Variants in RYR1 observed in about 807,000 individuals in gnomAD.
The protein encoded by RYR1 is central core disease of muscle.
Under a neutral mutation model 583.5 loss-of-function variants are expected in RYR1, and 342 were observed. The observed-to-expected ratio is 0.59, with a 90% CI of 0.54 to 0.64. The LOEUF is 0.64. Ranked by LOEUF, RYR1 falls within the 30% of genes least tolerant of loss-of-function variation. The pLI is 0.00. For missense variants in RYR1, 6,032 were observed against 6,917.2 expected, an observed-to-expected ratio of 0.87 and a Z score of 4.54; for synonymous variants, 2,791 against 2,822.5, an observed-to-expected ratio of 0.99 and a Z score of 0.35.
rs1970025987 is a variant in RYR1 at position 38,499,868 on chromosome 19, G to A, written c.7215-40G>A. ...TCAATAGGGCAACCCGCCCTCCCTG[G>A]CCCCTGGCTGCCTCCCCAACCCACC... On this transcript the variant is annotated intron_variant, in intron 44 of 105. Transcript: ENST00000359596. The surrounding 1 kb of genome is among the most constrained non-coding windows in gnomAD (Gnocchi z 7.3). The A allele has an allele frequency of 6.2e-7, 1 of 1,612,524 alleles. No homozygotes were observed. Among genetic ancestry groups the A allele is most frequent in the Non-Finnish European group, 8.5e-7 (1 of 1,179,446 alleles).
intron 8 of RYR1, 48 bp from the exon 9 acceptor site, chr19:38,446,646 G>C: frequency 6.2e-7 from 1 of 1,605,202 alleles, no homozygotes. Context: ...TTAGGGACCA[G>C]ATTCCGGGGA....
chr19:38,515,666 T>C, intron 64 of RYR1, among the ~76,000 whole-genome samples: 1 of 152,100 alleles, frequency 6.6e-6, no homozygotes, highest in Admixed American at 6.6e-5. Flanking sequence ...TGGTGTGGTG[T>C]GGTGTAGTGG....
At chr19:38,462,292 G>A (rs1967795432) in intron 20 of RYR1, among the ~76,000 whole-genome samples, 1 of 152,154 alleles carries the variant, frequency 6.6e-6, no homozygotes, top group Non-Finnish European at 1.5e-5. Context: ...AATGGATATA[G>A]GCAAGATGCT....
At chr19:38,563,296 G>A (rs971733249) in intron 90 of RYR1, among the ~76,000 whole-genome samples, 9 of 152,102 alleles carry the variant, frequency 5.9e-5, no homozygotes, top group East Asian at 1.9e-4. Context: ...ACAGAGTTTC[G>A]CTCTTGTTGA....
In RYR1 at chr19:38,560,707, C is replaced by T. The variant is rs1240736430; in HGVS notation, c.12283-406C>T. On this transcript the variant is annotated intron_variant, in intron 89 of 105. Coordinates refer to ENST00000359596, the MANE Select transcript of RYR1 (RefSeq NM_000540.3). ...TCATGCCACTGCACTCCAGCCTGGGCGACAAGAGCGAAACTCCGTCTCAAA... is the reference window on the plus strand; with the variant it reads ...TCATGCCACTGCACTCCAGCCTGGGTGACAAGAGCGAAACTCCGTCTCAAA... Among the ~76,000 whole-genome samples the T allele has an allele frequency of 1.5e-4, 17 of 116,288 alleles. No individual in the cohort carries two copies. In the South Asian group the frequency reaches 3.8e-3, roughly 26 times the overall value. 76.3% of individuals were successfully genotyped at this position (116,288 alleles called of 152,430 possible). A position where few individuals can be genotyped will look rare whatever the true frequency, so the allele number is the denominator to read the frequency against.
At chr19:38,560,729 CAAAAAAAA>C (rs765130460) in intron 89 of RYR1, among the ~76,000 whole-genome samples, 4 of 38,076 alleles carry the variant, frequency 1.1e-4, no homozygotes, top group South Asian at 1.0e-3. Context: ...AACTCCGTCT[CAAAAAAAA>C]AAAAAAAAAA....
Position 38,446,553 on chromosome 19 carries a change from A to T in RYR1, c.713A>T (p.Asp238Val), listed in dbSNP as rs1158222952. The change falls in exon 8 of 106, where the codon GAT (aspartate) becomes GTT (valine). Residue 238 changes from aspartate (D) to valine (V), a missense_variant. Transcript: ENST00000359596. ...CTGACCATTTCCCCTGCTGACAGTG[A>T]TGACCAGCGCAGGTCTGGGCTGTGG... Reference protein sequence around the residue: ...ECLTISPADSDDQRRLVYYEG... With the variant: ...ECLTISPADSVDQRRLVYYEG... 3 of 1,614,034 alleles carry T rather than the reference A, an allele frequency of 1.9e-6. No individual in the cohort carries two copies. In the South Asian group the frequency reaches 3.3e-5, roughly 18 times the overall value.
rs368516354 is a variant in RYR1, at chr19:38,442,407, G to A, written c.224G>A (p.Arg75Gln). Residue 75 changes from arginine (R) to glutamine (Q), a missense_variant, in exon 3 of 106, where the codon CGA becomes CAA. By Grantham distance (43) the Arg-to-Gln change is conservative. Transcript: ENST00000359596. ...CFVLEQSLSV[R>Q]ALQEMLANTV... ...GTCCTGGAGCAGTCCCTGTCTGTGCGAGCCCTGCAGGAGATGCTGGCTAAC... is the reference window on the plus strand; with the variant it reads ...GTCCTGGAGCAGTCCCTGTCTGTGCAAGCCCTGCAGGAGATGCTGGCTAAC... The A allele has an allele frequency of 1.9e-5, 30 of 1,613,458 alleles. No homozygotes were observed. Among genetic ancestry groups the A allele is most frequent in the Non-Finnish European group, 2.3e-5 (27 of 1,179,754 alleles).
intron 47 of RYR1, 116 bp from the exon 48 acceptor site, chr19:38,502,390 GC>G: frequency 1.1e-6 from 1 of 928,966 alleles, no homozygotes; most frequent in South Asian, 1.4e-5. Context: ...ATTGGGAGGA[GC>G]AGGTTTTGGG....
Position 38,490,575 on chromosome 19 carries a change from G to A in RYR1, c.6016-46G>A, listed in dbSNP as rs373810255. The A allele has an allele frequency of 2.0e-5, 25 of 1,236,746 alleles. No homozygotes were observed. In the African/African-American group the frequency reaches 3.5e-4, roughly 17 times the overall value. The allele number at this position is 1,236,746 out of a possible 1,614,324, so 76.6% of individuals were successfully genotyped here. On this transcript the variant is annotated intron_variant, in intron 36 of 105. Transcript: ENST00000359596. ...TTCTATCTCTGATCTCAGAGTTCCTGCTTTGGGATCTCAGACCCTCATTCT... is the reference window on the plus strand; with the variant it reads ...TTCTATCTCTGATCTCAGAGTTCCTACTTTGGGATCTCAGACCCTCATTCT...
rs754635109 is a variant in RYR1 at position 38,566,963 on chromosome 19, C to G, written c.13490C>G (p.Pro4497Arg). 1.9e-6 allele frequency: 3 copies of G among 1,603,842 alleles called. No homozygotes were observed. Among genetic ancestry groups the G allele is most frequent in the Non-Finnish European group, 2.6e-6 (3 of 1,175,356 alleles). Residue 4497 changes from proline (P) to arginine (R), a missense_variant, in exon 92 of 106, where the codon CCA (proline) becomes CGA (arginine). Pro to Arg is a moderately radical substitution (Grantham distance 103). Around this residue, in one of 11 missense-constraint regions of RYR1, gnomAD observed 753 missense variants for 759.6 expected, o/e 0.99. Coordinates refer to ENST00000359596, the MANE Select transcript of RYR1 (RefSeq NM_000540.3). ...LPPEPEPEPEPELEPEKADAE... is the reference protein window; with the variant it reads ...LPPEPEPEPERELEPEKADAE... ...CCAGAGCCAGAGCCCGAGCCGGAAC[C>G]AGAGCTGGAGCCGGAGAAAGCCGAG...
intron 84 of RYR1, among the ~76,000 whole-genome samples, chr19:38,540,335 T>A (rs1171040016): frequency 6.6e-6 from 1 of 150,530 alleles, no homozygotes; most frequent in African/African-American, 2.5e-5. Flanking sequence ...AATCATATAC[T>A]ACAGTATAAT....
chr19:38,481,935 A>G (rs1969030536), intron 31 of RYR1, among the ~76,000 whole-genome samples: 1 of 151,996 alleles, frequency 6.6e-6, no homozygotes, highest in African/African-American at 2.4e-5. Flanking sequence ...TAAAAATACA[A>G]AAATTAGCCT....
At position 38,506,007 on chromosome 19, in the gene RYR1, G is replaced by A. The variant is rs73933006; in HGVS notation, c.8541+61G>A. 6 of 1,592,948 alleles carry A rather than the reference G, an allele frequency of 3.8e-6. 1 individual carries two copies. The highest frequency in any genetic ancestry group is 3.4e-5 in the Admixed American group (2 of 58,366). ...ATGGGGGGAGGGTCTAGAACAAGGG[G>A]CATGGCCAGACAGGGAAGGGATGGA... is the stretch of plus-strand genomic sequence containing the variant. On this transcript the variant is annotated intron_variant, in intron 54 of 105. Coordinates refer to ENST00000359596, the MANE Select transcript of RYR1 (RefSeq NM_000540.3).
intron 97 of RYR1, among the ~76,000 whole-genome samples, chr19:38,576,683 C>G (rs1309088509): frequency 6.6e-6 from 1 of 151,816 alleles, no homozygotes; most frequent in East Asian, 1.9e-4. Context: ...ACCTGTAATC[C>G]CAGCTACTTG....
At chr19:38,438,616 C>CTTTTTTTTTTTTT (rs71165544) in intron 1 of RYR1, among the ~76,000 whole-genome samples, 3 of 93,964 alleles carry the variant, frequency 3.2e-5, no homozygotes, top group Admixed American at 1.6e-4. Flanking sequence ...CCAGGCTAGT[C>CTTTTTTTTTTTTT]TTTTTTTTTT....
In RYR1 at chr19:38,512,051, C is replaced by G; in HGVS notation, c.9173-21C>G. On this transcript the variant is annotated intron_variant, in intron 61 of 105. Coordinates refer to ENST00000359596, the MANE Select transcript of RYR1 (RefSeq NM_000540.3). The surrounding 1 kb of genome is among the most constrained non-coding windows in gnomAD (Gnocchi z 5.1). ...TGTCCTCTTAGCCATGGCATCCCCC[C>G]GGCCCATCTTCCTCTCCCAGGGACA... is the stretch of plus-strand genomic sequence containing the variant. 1 of 1,611,946 alleles carries G rather than the reference C, an allele frequency of 6.2e-7. No individual in the cohort carries two copies. The highest frequency in any genetic ancestry group is 8.5e-7 in the Non-Finnish European group (1 of 1,179,136).
At chr19:38,446,874 G>A in intron 9 of RYR1, 106 bp downstream of exon 9, 2 of 877,236 alleles carry the variant, frequency 2.3e-6, no homozygotes, top group South Asian at 1.6e-5. Flanking sequence ...AGACTGAAGG[G>A]TCTCGAGGGA....
intron 27 of RYR1, among the ~76,000 whole-genome samples, chr19:38,469,786 T>C (rs1968321169): frequency 6.6e-6 from 1 of 151,718 alleles, no homozygotes; most frequent in African/African-American, 2.4e-5. Context: ...AAAAATTAAG[T>C]CTAGGCATGG....
Sources: allele counts gnomAD v4.1 joint callset (sites outside exome capture counted in the v4.1 genomes callset), GRCh38; gene constraint gnomAD v4.1.1; regional missense constraint gnomAD v4.1.1; non-coding constraint Gnocchi (gnomAD v3.1); transcripts MANE v1.5; gene names NCBI Gene and HGNC (gene_info 2026-07-23, HGNC 2026-07-21).